The following TWF2 variants were observed in gnomAD, a reference collection of about 807,000 sequenced individuals.
The protein encoded by TWF2 is twinfilin actin binding protein 2, also known as twinfilin-2.
TWF2 carries 15 observed loss-of-function variants against 45.1 expected under a neutral mutation model. That is an observed-to-expected ratio of 0.33 (90% CI 0.22 to 0.51). The LOEUF is 0.51. TWF2 is among the 20% of genes least tolerant of loss of function. TWF2 has a pLI of 0.97. For synonymous variants in TWF2, 177 were observed against 195.8 expected, an observed-to-expected ratio of 0.90 and a Z score of 0.80; for missense variants, 423 against 469.1, an observed-to-expected ratio of 0.90 and a Z score of 0.91.
chr3:52,230,199 C>T (rs892888377), intron 6 of TWF2, 129 bp from the exon 7 acceptor site: 2 of 1,258,328 alleles, frequency 1.6e-6, no homozygotes, highest in African/African-American at 1.5e-5. Context: ...TCCCAAGACT[C>T]CCCTGCAATG....
chr3:52,231,838 C>A (rs1699681970), intron 3 of TWF2, 106 bp downstream of exon 3: 1 of 1,478,066 alleles, frequency 6.8e-7, no homozygotes, highest in Admixed American at 2.1e-5. Context: ...CTTCCCCCAC[C>A]CTCCAGGGGC....
At chr3:52,230,788 G>A (rs778139587) in intron 6 of TWF2, 82 bp downstream of exon 6, 205 of 1,511,376 alleles carry the variant, frequency 1.4e-4, no homozygotes, top group Non-Finnish European at 1.8e-4. Context: ...GTGGAGTGGG[G>A]ACTCCATGTA....
chr3:52,234,073 C>T (rs1477175322), intron 2 of TWF2, among the ~76,000 whole-genome samples: 1 of 152,092 alleles, frequency 6.6e-6, no homozygotes, highest in African/African-American at 2.4e-5. Context: ...GCCACAGTGA[C>T]CCCTGCCCAG....
In TWF2 at chr3:52,230,073, GC is replaced by G. The variant is rs1699664867; in HGVS notation, c.610-4del. On this transcript the variant is annotated splice_polypyrimidine_tract_variant and splice_region_variant and intron_variant, in intron 6 of 8. Coordinates refer to ENST00000305533, the MANE Select transcript of TWF2 (RefSeq NM_007284.4). ...GTTTCCCGCTCTAGGTCCAGCTTCT[GC>G]CCAGGGCCAAGGGAAGATGGGAGAG... 1.3e-6 allele frequency: 2 copies of G among 1,579,826 alleles called. No individual in the cohort carries two copies. The highest frequency in any genetic ancestry group is 8.6e-7 in the Non-Finnish European group (1 of 1,164,776).
rs1353024388 is a variant in TWF2, at chr3:52,228,619, A to T, written c.*415T>A. The T allele has an allele frequency of 1.8e-5, 3 of 168,908 alleles. No homozygotes were observed. The highest frequency in any genetic ancestry group is 2.5e-5 in the Non-Finnish European group (2 of 78,520). The allele number at this position is 168,908 out of a possible 1,614,324, so 10.5% of individuals were successfully genotyped here. A position where few individuals can be genotyped will look rare whatever the true frequency, so the allele number is the denominator to read the frequency against. Reference sequence around the variant, plus strand: ...CAGGGCCAAGCACAAGTCTTGATTTAAAAATATTTTATTCTTTAGAAAATA... The same window carrying T: ...CAGGGCCAAGCACAAGTCTTGATTTTAAAATATTTTATTCTTTAGAAAATA... On this transcript the variant is annotated 3_prime_UTR_variant, in exon 9 of 9. Coordinates refer to ENST00000305533, the MANE Select transcript of TWF2 (RefSeq NM_007284.4).
At chr3:52,230,750 C>T (rs914431657) in intron 6 of TWF2, 120 bp downstream of exon 6, 18 of 1,422,464 alleles carry the variant, frequency 1.3e-5, no homozygotes, top group African/African-American at 8.6e-5. Context: ...AGCACATGGA[C>T]GAGCTGAAGG....
rs780066211 is a variant in TWF2, at chr3:52,235,116, C to T, written c.26-10G>A. ...TTCAGCTCTTCCGTGGCTATAAGAA[C>T]AAGAAACATGGTGGGGGATGAGTGG... is the stretch of plus-strand genomic sequence containing the variant. On this transcript the variant is annotated splice_polypyrimidine_tract_variant and intron_variant, in intron 1 of 8. Coordinates refer to ENST00000305533, the MANE Select transcript of TWF2 (RefSeq NM_007284.4). The T allele has an allele frequency of 5.6e-6, 9 of 1,613,638 alleles. No individual in the cohort carries two copies. The African/African-American group carries it at 8.0e-5, about 14-fold the overall frequency.
intron 1 of TWF2, 29 bp downstream of exon 1, chr3:52,238,963 C>T (rs949296834): frequency 5.7e-6 from 9 of 1,586,410 alleles, no homozygotes; most frequent in Admixed American, 3.4e-5. Context: ...CAGACCGAGG[C>T]CCCCTGCCCG....
chr3:52,229,679 A>C lies in TWF2; in HGVS notation c.864T>G (p.His288Gln). 1.2e-6 allele frequency: 2 copies of C among 1,613,484 alleles called. No homozygotes were observed. The highest frequency in any genetic ancestry group is 1.7e-6 in the Non-Finnish European group (2 of 1,180,004). ...RLLDSVEQDF[H>Q]LEIAKKIEIG... ...CGCCTACTTTCTTGGCGATCTCCAG[A>C]TGGAAGTCCTGCTCCACGGAGTCGA... The change falls in exon 8 of 9, where the codon CAT becomes CAG. Residue 288 changes from histidine (H) to glutamine (Q), a missense_variant. Transcript: ENST00000305533.
chr3:52,231,674 C>G (rs950367651), intron 3 of TWF2, 135 bp from the exon 4 acceptor site: 2 of 1,082,128 alleles, frequency 1.8e-6, no homozygotes, highest in Non-Finnish European at 2.6e-6. Flanking sequence ...GGGGCCAGGA[C>G]GCAGCAGGTG....
rs898429443 is a variant in TWF2, at chr3:52,230,795, T to C, written c.609+75A>G. Reference sequence around the variant, plus strand: ...GCAGGCTGGTGGAGTGGGGACTCCATGTACATCTGCACATGTGCATGGGCA... The same window carrying C: ...GCAGGCTGGTGGAGTGGGGACTCCACGTACATCTGCACATGTGCATGGGCA... On this transcript the variant is annotated intron_variant, in intron 6 of 8. Coordinates refer to ENST00000305533, the MANE Select transcript of TWF2 (RefSeq NM_007284.4). 4.5e-6 allele frequency: 7 copies of C among 1,540,260 alleles called. No individual in the cohort carries two copies. Among genetic ancestry groups the C allele is most frequent in the African/African-American group, 1.4e-5 (1 of 73,828 alleles).
At chr3:52,234,986 G>C in intron 2 of TWF2, 43 bp downstream of exon 2, 3 of 1,605,230 alleles carry the variant, frequency 1.9e-6, no homozygotes, top group Non-Finnish European at 2.6e-6. Context: ...AGGCAGCAGA[G>C]TCCACCCCCA....
intron 6 of TWF2, among the ~76,000 whole-genome samples, 174 bp downstream of exon 6, chr3:52,230,696 A>T (rs1451689764): frequency 1.5e-4 from 23 of 151,378 alleles, no homozygotes; most frequent in Non-Finnish European, 1.8e-4. Context: ...CAGGCGGAAT[A>T]GGTAGGGATC....
chr3:52,229,435 G>A (rs1699657087), intron 8 of TWF2, among the ~76,000 whole-genome samples: 1 of 152,206 alleles, frequency 6.6e-6, no homozygotes, highest in African/African-American at 2.4e-5. Flanking sequence ...CCTGTCTCCA[G>A]GCCCAGGGAA....
At position 52,228,817 on chromosome 3, in the gene TWF2, C is replaced by T. The variant is rs1028140147; in HGVS notation, c.*217G>A. The T allele has an allele frequency of 2.8e-6, 2 of 717,734 alleles. No individual in the cohort carries two copies. The highest frequency in any genetic ancestry group is 3.6e-5 in the African/African-American group (2 of 55,488). 44.5% of individuals were successfully genotyped at this position (717,734 alleles called of 1,614,324 possible). A position where few individuals can be genotyped will look rare whatever the true frequency, so the allele number is the denominator to read the frequency against. ...CCTTAAGCCAGCCAGGCAGGGTCCCCGGACACCCTGGGCACACAGACGAGA... is the reference window on the plus strand; with the variant it reads ...CCTTAAGCCAGCCAGGCAGGGTCCCTGGACACCCTGGGCACACAGACGAGA... On this transcript the variant is annotated 3_prime_UTR_variant, in exon 9 of 9. Coordinates refer to ENST00000305533, the MANE Select transcript of TWF2 (RefSeq NM_007284.4).
intron 3 of TWF2, among the ~76,000 whole-genome samples, chr3:52,231,743 G>A (rs1320320323): frequency 6.6e-6 from 1 of 152,230 alleles, no homozygotes; most frequent in African/African-American, 2.4e-5. Context: ...GAGCCAGGCT[G>A]ATGCCTGGAG....
In TWF2 at chr3:52,230,978, A is replaced by C; in HGVS notation, c.501T>G (p.Ser167Arg). 6.2e-7 allele frequency: 1 copy of C among 1,605,080 alleles called. No homozygotes were observed. Among genetic ancestry groups the C allele is most frequent in the Non-Finnish European group, 8.5e-7 (1 of 1,176,000 alleles). ...IRINEVKTEI[S>R]VESKHQTLQG... The stretch of plus-strand genomic sequence containing the variant: ...GCAGGGTCTGGTGCTTGCTTTCCAC[A>C]CTGATCTCTGTCTTCACCTGTGGGT... Residue 167 changes from serine (S) to arginine (R), a missense_variant, in exon 6 of 9, where the codon AGT becomes AGG. Ser to Arg is a moderately radical substitution (Grantham distance 110, BLOSUM62 -1). Coordinates refer to ENST00000305533, the MANE Select transcript of TWF2 (RefSeq NM_007284.4).
intron 1 of TWF2, among the ~76,000 whole-genome samples, chr3:52,236,571 G>A (rs934505204): frequency 3.9e-5 from 6 of 152,174 alleles, no homozygotes; most frequent in Admixed American, 2.6e-4. Flanking sequence ...GAACACAGCT[G>A]GAGGCCTGAG....
At chr3:52,231,851 G>C in intron 3 of TWF2, 93 bp downstream of exon 3, 1 of 1,521,332 alleles carries the variant, frequency 6.6e-7, no homozygotes, top group South Asian at 1.3e-5. Context: ...CCAGGGGCAG[G>C]CCTGTGTCCC....
Sources: allele counts gnomAD v4.1 joint callset (sites outside exome capture counted in the v4.1 genomes callset), GRCh38; gene constraint gnomAD v4.1.1; transcripts MANE v1.5; gene names NCBI Gene and HGNC (gene_info 2026-07-23, HGNC 2026-07-21).